MACROD2: variants seen among roughly 807,000 people sequenced by gnomAD.
The protein encoded by MACROD2 is ADP-ribose glycohydrolase MACROD2.
MACROD2 carries 36 observed loss-of-function variants against 70.4 expected under a neutral mutation model. The ratio of observed to expected loss-of-function variants is 0.51; its 90% CI spans 0.39 to 0.68. The LOEUF is 0.68. Ranked by LOEUF, MACROD2 falls within the 30% of genes least tolerant of loss-of-function variation. The probability of loss-of-function intolerance (pLI) is 0.00; values close to 1 mark genes in which losing one functional copy is unlikely to be tolerated. For missense variants in MACROD2, 496 were observed against 538.4 expected, an observed-to-expected ratio of 0.92 and a Z score of 0.78; for synonymous variants, 172 against 178.8, an observed-to-expected ratio of 0.96 and a Z score of 0.30.
intron 8 of MACROD2, among the ~76,000 whole-genome samples, chr20:15,570,969 C>A (rs1406946561): frequency 6.6e-6 from 1 of 152,166 alleles, no homozygotes; most frequent in African/African-American, 2.4e-5. Context: ...ATAATTACCT[C>A]AGTATTTCAA....
intron 4 of MACROD2, among the ~76,000 whole-genome samples, chr20:14,521,720 G>T (rs2085170722): frequency 6.6e-6 from 1 of 152,104 alleles, no homozygotes; most frequent in Non-Finnish European, 1.5e-5. Context: ...ACTTCACCAT[G>T]GTTGTCTTCC....
chr20:14,597,492 G>T (rs551547602), intron 4 of MACROD2, among the ~76,000 whole-genome samples: 1 of 152,174 alleles, frequency 6.6e-6, no homozygotes, highest in African/African-American at 2.4e-5. Flanking sequence ...AAGAAACTTT[G>T]TCATCTTCAA....
intron 5 of MACROD2, among the ~76,000 whole-genome samples, chr20:14,889,607 G>A (rs1204964340): frequency 6.6e-6 from 1 of 152,098 alleles, no homozygotes; most frequent in East Asian, 1.9e-4. Context: ...AGTGAGGACC[G>A]TAAGGAGGTA....
chr20:14,537,429 G>A (rs183951879), intron 4 of MACROD2, among the ~76,000 whole-genome samples: 3 of 152,234 alleles, frequency 2.0e-5, no homozygotes. Flanking sequence ...TTGAGTATTT[G>A]TTCACTTACC....
intron 3 of MACROD2, among the ~76,000 whole-genome samples, chr20:14,251,981 A>T (rs935587408): frequency 1.3e-5 from 2 of 152,058 alleles, no homozygotes; most frequent in African/African-American, 4.8e-5. Flanking sequence ...AAAAATCCTT[A>T]ATTTGGTTGT....
intron 7 of MACROD2, among the ~76,000 whole-genome samples, chr20:15,493,348 T>C (rs1219990625): frequency 1.3e-5 from 2 of 152,244 alleles, no homozygotes; most frequent in African/African-American, 4.8e-5. Context: ...ACCAACATTA[T>C]GTTCAATTTT....
intron 12 of MACROD2, among the ~76,000 whole-genome samples, chr20:15,954,793 A>G (rs1415057738): frequency 6.6e-6 from 1 of 152,222 alleles, no homozygotes; most frequent in East Asian, 1.9e-4. Flanking sequence ...CAATAATATC[A>G]GCAGCTAATA....
chr20:14,797,218 T>C lies in MACROD2; in HGVS notation c.418+112259T>C, dbSNP rs933052597. On this transcript the variant is annotated intron_variant, in intron 5 of 17. Coordinates refer to ENST00000684519, the MANE Select transcript of MACROD2 (RefSeq NM_001351661.2). ...GCGATATCCTTCTAAATGGTCTCTATGTATTTCTTTCAACCCATTTCCTAG... is the reference window on the plus strand; with the variant it reads ...GCGATATCCTTCTAAATGGTCTCTACGTATTTCTTTCAACCCATTTCCTAG... 2.6e-5 allele frequency among the ~76,000 whole-genome samples: 4 copies of C among 152,112 alleles called. 1 individual carries two copies. The highest frequency in any genetic ancestry group is 9.7e-5 in the African/African-American group (4 of 41,390).
chr20:14,667,860 C>T (rs534553852), intron 4 of MACROD2, among the ~76,000 whole-genome samples: 1 of 152,212 alleles, frequency 6.6e-6, no homozygotes, highest in South Asian at 2.1e-4. Flanking sequence ...GTATGTGAAT[C>T]GAAAGCTCTC....
At chr20:14,834,874 A>C (rs978523349) in intron 5 of MACROD2, among the ~76,000 whole-genome samples, 1 of 151,928 alleles carries the variant, frequency 6.6e-6, no homozygotes, top group Non-Finnish European at 1.5e-5. Flanking sequence ...ATATGTGTGT[A>C]TATATGTATA....
chr20:14,961,817 C>T (rs1171393218), intron 5 of MACROD2, among the ~76,000 whole-genome samples: 2 of 152,064 alleles, frequency 1.3e-5, no homozygotes, highest in African/African-American at 4.8e-5. Flanking sequence ...AAAAATAATT[C>T]AAAGAGTTTA....
chr20:14,578,797 A>G (rs1741930435), intron 4 of MACROD2, among the ~76,000 whole-genome samples: 1 of 152,228 alleles, frequency 6.6e-6, no homozygotes, highest in Non-Finnish European at 1.5e-5. Context: ...CCTAAGGCAG[A>G]TAATTCACTG....
intron 4 of MACROD2, among the ~76,000 whole-genome samples, chr20:14,515,473 A>ACGCG (rs1406815284): frequency 5.3e-4 from 36 of 67,550 alleles, no homozygotes; most frequent in South Asian, 3.8e-3. Flanking sequence ...ACGCACACAC[A>ACGCG]CACACACACA....
At chr20:14,745,147 A>G (rs1306546397) in intron 5 of MACROD2, among the ~76,000 whole-genome samples, 1 of 152,164 alleles carries the variant, frequency 6.6e-6, no homozygotes, top group African/African-American at 2.4e-5. Context: ...CTTCCTGGGC[A>G]TCCTGAAACT....
chr20:15,455,153 C>T (rs2046706793), intron 7 of MACROD2, among the ~76,000 whole-genome samples: 1 of 152,174 alleles, frequency 6.6e-6, no homozygotes, highest in African/African-American at 2.4e-5. Flanking sequence ...TCTTCCTGTG[C>T]ATCTTCAGAG....
chr20:14,522,120 T>G (rs1218680580), intron 4 of MACROD2, among the ~76,000 whole-genome samples: 1 of 152,208 alleles, frequency 6.6e-6, no homozygotes, highest in Non-Finnish European at 1.5e-5. Flanking sequence ...GCTCTTCTTC[T>G]GTCTGGTTTA....
At position 15,553,620 on chromosome 20, in the gene MACROD2, A is replaced by G. The variant is rs1229783066; in HGVS notation, c.645+53773A>G. 2.6e-5 allele frequency among the ~76,000 whole-genome samples: 4 copies of G among 152,060 alleles called. No homozygotes were observed. In the East Asian group the frequency reaches 7.7e-4, roughly 29 times the overall value. The stretch of plus-strand genomic sequence containing the variant: ...TTTTTAGTAGAGTTGGGGTTCCACC[A>G]TGTTGCCCAGGCCAGTCCTGAACTC... On this transcript the variant is annotated intron_variant, in intron 8 of 17. Transcript: ENST00000684519.
chr20:14,783,648 T>G (rs1366768981), intron 5 of MACROD2, among the ~76,000 whole-genome samples: 1 of 152,088 alleles, frequency 6.6e-6, no homozygotes, highest in African/African-American at 2.4e-5. Context: ...AGAAGCAGAC[T>G]CTGAGATTTT....
At chr20:14,903,039 C>CTT (rs11483540) in intron 5 of MACROD2, among the ~76,000 whole-genome samples, 3,413 of 116,722 alleles carry the variant, frequency 0.029, 175 homozygotes, top group African/African-American at 0.086. Context: ...TTTTCTTTCC[C>CTT]TTTTTTTTTT....
Sources: gnomAD v4.1 joint callset for allele counts (sites outside exome capture counted in the v4.1 genomes callset) on GRCh38, gnomAD v4.1.1 for gene constraint, MANE v1.5 for transcripts, NCBI Gene and HGNC (gene_info 2026-07-23, HGNC 2026-07-21) for gene names.